CHRNB2: variants seen among roughly 807,000 people sequenced by gnomAD.
CHRNB2 encodes neuronal acetylcholine receptor subunit beta-2.
In CHRNB2, 33 loss-of-function variants were observed where a neutral mutation model predicts 42.7. That is an observed-to-expected ratio of 0.77 (90% confidence interval 0.59 to 1.03). The LOEUF (loss-of-function observed/expected upper bound fraction) is 1.03. Among genes scored for constraint, CHRNB2 ranks in the 50% least tolerant of loss-of-function variants. The probability of loss-of-function intolerance (pLI) is 0.00; values close to 1 mark genes in which losing one functional copy is unlikely to be tolerated. For synonymous variants in CHRNB2, 325 were observed against 292.9 expected (o/e 1.11, Z -1.12); for missense variants, 603 against 700.9 (o/e 0.86, Z 1.58).
At chr1:154,573,905 C>T (rs1355166472) in intron 5 of CHRNB2, among the ~76,000 whole-genome samples, 1 of 152,144 alleles carries the variant, frequency 6.6e-6, no homozygotes, top group Non-Finnish European at 1.5e-5. Flanking sequence ...CCCGCCACCA[C>T]GCCCAGCTAA....
intron 2 of CHRNB2, 73 bp from the exon 3 acceptor site, chr1:154,569,719 G>A: frequency 1.2e-6 from 2 of 1,613,006 alleles, no homozygotes; most frequent in Non-Finnish European, 1.7e-6. Context: ...GGAGGTGTGA[G>A]AGGGACCCTG....
chr1:154,569,519 G>C lies in CHRNB2; in HGVS notation c.122G>C (p.Arg41Pro). 6.2e-7 allele frequency: 1 copy of C among 1,613,956 alleles called. No individual in the cohort carries two copies. Among genetic ancestry groups the C allele is most frequent in the Admixed American group, 1.7e-5 (1 of 60,000 alleles). The part of the protein sequence containing the change: ...RLVEHLLDPS[R>P]YNKLIRPATN... ...GTGGAGCATCTCCTGGATCCTTCCC[G>C]CTACAACAAGCTTATCCGCCCAGCC... The change falls in exon 2 of 6, where the codon CGC (arginine) becomes CCC (proline). Residue 41 changes from arginine (R) to proline (P), a missense_variant. Transcript: ENST00000368476.
chr1:154,570,211 C>T, intron 3 of CHRNB2, 47 bp from the exon 4 acceptor site: 2 of 1,333,982 alleles, frequency 1.5e-6, no homozygotes, highest in African/African-American at 2.9e-5. Flanking sequence ...AACCTTGAGC[C>T]CCACCCAGGG....
At chr1:154,570,222 C>T (rs886796657) in intron 3 of CHRNB2, 36 bp from the exon 4 acceptor site, 3 of 1,432,134 alleles carry the variant, frequency 2.1e-6, no homozygotes, top group Non-Finnish European at 2.9e-6. Flanking sequence ...CCACCCAGGG[C>T]ACAAGTTGGT....
At position 154,569,866 on chromosome 1, in the gene CHRNB2, C is replaced by A. The variant is rs770461491; in HGVS notation, c.255+30C>A. The A allele has an allele frequency of 7.4e-6, 12 of 1,613,286 alleles. No individual in the cohort carries two copies. In the East Asian group the frequency reaches 2.2e-4, roughly 30 times the overall value. On this transcript the variant is annotated intron_variant, in intron 3 of 5. Coordinates refer to ENST00000368476, the MANE Select transcript of CHRNB2 (RefSeq NM_000748.3). Reference sequence around the variant, plus strand: ...GCGTAAGTGCTCTCTTCCACCCACACCCCTGGCCTTCTCTCTCCTCCTTTT... The same window carrying A: ...GCGTAAGTGCTCTCTTCCACCCACAACCCTGGCCTTCTCTCTCCTCCTTTT...
intron 5 of CHRNB2, among the ~76,000 whole-genome samples, chr1:154,574,072 G>A (rs1365332950): frequency 6.6e-6 from 1 of 152,180 alleles, no homozygotes; most frequent in East Asian, 1.9e-4. Flanking sequence ...TCTTAAGCAA[G>A]CCAAGCTCTT....
At chr1:154,572,613 A>AG (rs796502388) in intron 5 of CHRNB2, among the ~76,000 whole-genome samples, 20 of 151,984 alleles carry the variant, frequency 1.3e-4, no homozygotes, top group African/African-American at 4.3e-4. Context: ...CACAGGCAGG[A>AG]GGGGGCAACA....
At chr1:154,572,184 C>A in intron 5 of CHRNB2, 23 bp downstream of exon 5, 2 of 1,535,862 alleles carry the variant, frequency 1.3e-6, no homozygotes, top group Non-Finnish European at 1.7e-6. Flanking sequence ...GGCTGGGACC[C>A]CGGGCGTGAG....
In CHRNB2 at chr1:154,576,113, G is replaced by A. The variant is rs1347814908; in HGVS notation, c.*181G>A. The A allele has an allele frequency of 6.9e-6, 5 of 725,648 alleles. No individual in the cohort carries two copies. Among genetic ancestry groups the A allele is most frequent in the Non-Finnish European group, 7.1e-6 (3 of 425,310 alleles). The allele number at this position is 725,648 out of a possible 1,614,324, so 45.0% of individuals were successfully genotyped here. A position where few individuals can be genotyped will look rare whatever the true frequency, so the allele number is the denominator to read the frequency against. ...CATCCACACACAGCAGCTCCAACCT[G>A]GAGGCTGGACCAACTGCTTTGTTTT... On this transcript the variant is annotated 3_prime_UTR_variant, in exon 6 of 6. Transcript: ENST00000368476.
intron 5 of CHRNB2, among the ~76,000 whole-genome samples, chr1:154,575,322 C>T (rs569863900): frequency 6.6e-6 from 1 of 152,290 alleles, no homozygotes; most frequent in Admixed American, 6.5e-5. Flanking sequence ...GAGCAGACAG[C>T]AGTTCATGCT....
rs1003915084 is a variant in CHRNB2, at chr1:154,579,095, G to C, written c.*3163G>C. 15 of 152,158 alleles carry C rather than the reference G, an allele frequency of 9.9e-5. No individual in the cohort carries two copies. Among genetic ancestry groups the C allele is most frequent in the African/African-American group, 3.6e-4 (15 of 41,428 alleles). 9.4% of individuals were successfully genotyped at this position (152,158 alleles called of 1,614,324 possible). A position where few individuals can be genotyped will look rare whatever the true frequency, so the allele number is the denominator to read the frequency against. ...TTATTGAAAATTTAAAAGCAAACAAGACACAGCAGCCCCCAGGTGGTGTGT... is the reference window on the plus strand; with the variant it reads ...TTATTGAAAATTTAAAAGCAAACAACACACAGCAGCCCCCAGGTGGTGTGT... On this transcript the variant is annotated 3_prime_UTR_variant, in exon 6 of 6. Transcript: ENST00000368476.
At position 154,577,619 on chromosome 1, in the gene CHRNB2, G is replaced by C. The variant is rs1159563416; in HGVS notation, c.*1687G>C. 6.6e-6 allele frequency: 1 copy of C among 152,346 alleles called. No homozygotes were observed. Among genetic ancestry groups the C allele is most frequent in the Non-Finnish European group, 1.5e-5 (1 of 68,132 alleles). 9.4% of individuals were successfully genotyped at this position (152,346 alleles called of 1,614,324 possible). A position where few individuals can be genotyped will look rare whatever the true frequency, so the allele number is the denominator to read the frequency against. ...TAGATGCTTCATGAATGTTGAGTCT[G>C]ACAGGCAACTGGAGCTGGTGAGAAT... On this transcript the variant is annotated 3_prime_UTR_variant, in exon 6 of 6. Coordinates refer to ENST00000368476, the MANE Select transcript of CHRNB2 (RefSeq NM_000748.3).
Position 154,576,312 on chromosome 1 carries a change from G to C in CHRNB2, c.*380G>C. ...CAAGTCATGGGAGAAGAGGGGTATA[G>C]GACAAGGGGTGGAAGGGCAGGAGCT... On this transcript the variant is annotated 3_prime_UTR_variant, in exon 6 of 6. Coordinates refer to ENST00000368476, the MANE Select transcript of CHRNB2 (RefSeq NM_000748.3). 2.8e-6 allele frequency: 1 copy of C among 360,336 alleles called. No homozygotes were observed. The highest frequency in any genetic ancestry group is 5.4e-6 in the Non-Finnish European group (1 of 185,112). The allele number at this position is 360,336 out of a possible 1,614,324, so 22.3% of individuals were successfully genotyped here.
At chr1:154,574,841 CTAAA>C (rs1373729062) in intron 5 of CHRNB2, among the ~76,000 whole-genome samples, 7 of 152,158 alleles carry the variant, frequency 4.6e-5, no homozygotes, top group Non-Finnish European at 8.8e-5. Context: ...CAGCTGCTGA[CTAAA>C]TAAAGATGCT....
chr1:154,569,702 G>A, intron 2 of CHRNB2, 90 bp from the exon 3 acceptor site: 1 of 1,612,736 alleles, frequency 6.2e-7, no homozygotes, highest in Middle Eastern at 1.6e-4. Flanking sequence ...GTGTTTCCAA[G>A]GCTTGGGGAG....
Position 154,575,927 on chromosome 1 carries a change from A to T in CHRNB2, c.1504A>T (p.Lys502Ter), listed in dbSNP as rs1412750799. The change falls in exon 6 of 6, where the codon AAG becomes TAG. Residue 502 changes from lysine (K) to a stop codon, truncating the protein, a stop_gained. Transcript: ENST00000368476. LOFTEE classifies it high-confidence loss of function. Reference protein sequence around the residue: ...LHSDHSAPSSK With the variant: ...LHSDHSAPSS ...CTCAGACCACTCAGCCCCCAGCTCC[A>T]AGTGAGGCCCTTCCTCATCTCCATG... is the stretch of plus-strand genomic sequence containing the variant. The T allele has an allele frequency of 6.2e-7, 1 of 1,614,168 alleles. No homozygotes were observed. Among genetic ancestry groups the T allele is most frequent in the Non-Finnish European group, 8.5e-7 (1 of 1,180,022 alleles).
Position 154,576,833 on chromosome 1 carries a change from G to A in CHRNB2, c.*901G>A, listed in dbSNP as rs1696290094. 6.6e-6 allele frequency: 1 copy of A among 152,208 alleles called. No individual in the cohort carries two copies. The highest frequency in any genetic ancestry group is 1.5e-5 in the Non-Finnish European group (1 of 68,060). The allele number at this position is 152,208 out of a possible 1,614,324, so 9.4% of individuals were successfully genotyped here. ...CAACATAAGCCATGTTGCAGATGAAGAAACTGACCCACACGGTGAGACAAG... is the reference window on the plus strand; with the variant it reads ...CAACATAAGCCATGTTGCAGATGAAAAAACTGACCCACACGGTGAGACAAG... On this transcript the variant is annotated 3_prime_UTR_variant, in exon 6 of 6. Transcript: ENST00000368476.
At position 154,569,451 on chromosome 1, in the gene CHRNB2, C is replaced by T. The variant is rs962394444; in HGVS notation, c.65-11C>T. On this transcript the variant is annotated splice_polypyrimidine_tract_variant and intron_variant, in intron 1 of 5. Coordinates refer to ENST00000368476, the MANE Select transcript of CHRNB2 (RefSeq NM_000748.3). ...GCCTGCTTACTTTCGTCCTGCCTTT[C>T]CCCTGCCCAGGGGTGTGGGGTACGG... The T allele has an allele frequency of 6.2e-7, 1 of 1,613,360 alleles. No homozygotes were observed. Among genetic ancestry groups the T allele is most frequent in the Non-Finnish European group, 8.5e-7 (1 of 1,179,956 alleles).
intron 5 of CHRNB2, among the ~76,000 whole-genome samples, chr1:154,572,822 C>T (rs1233843032): frequency 7.2e-5 from 11 of 152,128 alleles, no homozygotes; most frequent in Admixed American, 7.2e-4. Flanking sequence ...GCCCCTTCCT[C>T]AGGCTTTCTG....
Sources: gnomAD v4.1 joint callset for allele counts (sites outside exome capture counted in the v4.1 genomes callset) on GRCh38, gnomAD v4.1.1 for gene constraint, MANE v1.5 for transcripts, NCBI Gene and HGNC (gene_info 2026-07-23, HGNC 2026-07-21) for gene names.